Variants in CDH9 observed in about 807,000 individuals in gnomAD.
The protein encoded by CDH9 is cadherin-9.
Under a neutral mutation model 70.9 loss-of-function variants are expected in CDH9, and 28 were observed. The observed-to-expected ratio is 0.40, with a 90% CI of 0.29 to 0.54. The LOEUF is 0.54. CDH9 is among the 20% of genes least tolerant of loss of function. The pLI, the probability that CDH9 is intolerant of heterozygous loss-of-function variation, is 0.59. For synonymous variants in CDH9, 409 were observed against 343.1 expected (o/e 1.19, Z -2.12); for missense variants, 874 against 984.4 (o/e 0.89, Z 1.50).
At chr5:26,940,080 G>T (rs1371681178) in intron 2 of CDH9, among the ~76,000 whole-genome samples, 2 of 151,298 alleles carry the variant, frequency 1.3e-5, no homozygotes, top group Non-Finnish European at 1.5e-5. Context: ...ACTGAGGCAG[G>T]AGAACCCAGG....
At chr5:26,997,677 G>C (rs1742689728) in intron 1 of CDH9, among the ~76,000 whole-genome samples, 1 of 151,570 alleles carries the variant, frequency 6.6e-6, no homozygotes, top group Admixed American at 6.6e-5. Context: ...GGAGCAAGTA[G>C]AATTTGTTAT....
intron 7 of CDH9, among the ~76,000 whole-genome samples, chr5:26,897,288 G>T (rs1740769537): frequency 1.3e-5 from 2 of 151,870 alleles, no homozygotes; most frequent in African/African-American, 4.8e-5. Context: ...CCAAACAATA[G>T]AAAAAGAGGG....
intron 1 of CDH9, among the ~76,000 whole-genome samples, chr5:26,997,722 G>A (rs1328381816): frequency 7.3e-6 from 1 of 137,586 alleles, no homozygotes; most frequent in Non-Finnish European, 1.6e-5. Context: ...TTTTTTTTGA[G>A]ATGGAATCCA....
intron 1 of CDH9, among the ~76,000 whole-genome samples, chr5:26,998,976 G>A (rs1380093797): frequency 1.3e-5 from 2 of 152,118 alleles, no homozygotes; most frequent in African/African-American, 4.8e-5. Context: ...GCCGGGCGTG[G>A]TGGCTCATGC....
intron 1 of CDH9, among the ~76,000 whole-genome samples, chr5:27,019,126 A>T (rs542298383): frequency 6.6e-6 from 1 of 152,122 alleles, no homozygotes; most frequent in South Asian, 2.1e-4. Flanking sequence ...TTCAGAATTG[A>T]AATAATTGGT....
At chr5:27,024,219 AAT>A (rs1743185250) in intron 1 of CDH9, among the ~76,000 whole-genome samples, 1 of 151,998 alleles carries the variant, frequency 6.6e-6, no homozygotes, top group Admixed American at 6.6e-5. Flanking sequence ...TACTCTCATA[AAT>A]AGAGATTTTT....
At chr5:26,968,495 A>C (rs189848739) in intron 2 of CDH9, among the ~76,000 whole-genome samples, 2 of 152,262 alleles carry the variant, frequency 1.3e-5, no homozygotes, top group African/African-American at 4.8e-5. Flanking sequence ...CATGTTGGCC[A>C]GGCTGGTCTT....
chr5:26,928,214 GA>G (rs1741379497), intron 2 of CDH9, among the ~76,000 whole-genome samples: 1 of 151,864 alleles, frequency 6.6e-6, no homozygotes, highest in South Asian at 2.1e-4. Flanking sequence ...TAAGCACTCT[GA>G]AAAAGAAATG....
intron 1 of CDH9, among the ~76,000 whole-genome samples, chr5:27,029,086 A>G (rs1193187297): frequency 6.6e-6 from 1 of 152,046 alleles, no homozygotes; most frequent in Non-Finnish European, 1.5e-5. Context: ...ATTTGACAAC[A>G]TCTTATTTTA....
In CDH9 at chr5:26,910,752, G is replaced by A. The variant is rs77841458; in HGVS notation, c.524-3914C>T. On this transcript the variant is annotated intron_variant, in intron 3 of 11. Transcript: ENST00000231021. ...TGCTTCAGTGTGAGAATAAGTTAAC[G>A]AAAGTTACAGAAAGTGAAAAACGAG... Among the ~76,000 whole-genome samples, 512 of 152,250 alleles carry A rather than the reference G, an allele frequency of 3.4e-3. 1 individual carries two copies. The highest frequency in any genetic ancestry group is 6.1e-3 in the Non-Finnish European group (415 of 67,986).
chr5:26,956,233 G>C (rs76713586), intron 2 of CDH9, among the ~76,000 whole-genome samples: 2,961 of 152,204 alleles, frequency 0.019, 97 homozygotes, highest in African/African-American at 0.067. Flanking sequence ...AGTCTCACGA[G>C]ATCTGAATTC....
Position 26,881,606 on chromosome 5 carries a change from C to T in CDH9, c.1900G>A (p.Ala634Thr). 1 of 1,608,926 alleles carries T rather than the reference C, an allele frequency of 6.2e-7. No homozygotes were observed. The highest frequency in any genetic ancestry group is 8.5e-7 in the Non-Finnish European group (1 of 1,178,558). Residue 634 changes from alanine (A) to threonine (T), a missense_variant, in exon 12 of 12, where the codon GCT (alanine) becomes ACT (threonine). By Grantham distance (58) the Ala-to-Thr change is moderately conservative. Transcript: ENST00000231021. ...LILLILVVLF[A>T]ALKRQRKKEP... ...TTTTTTCTTTGCCTCTTCAATGCAG[C>T]AAACAACACGACTAAAACTATTAAT...
chr5:26,995,760 T>C (rs1742654496), intron 1 of CDH9, among the ~76,000 whole-genome samples: 1 of 152,120 alleles, frequency 6.6e-6, no homozygotes, highest in Admixed American at 6.6e-5. Flanking sequence ...TTTCTATGCC[T>C]AATTATTTGT....
chr5:26,908,643 T>C (rs893225955), intron 3 of CDH9, among the ~76,000 whole-genome samples: 3 of 152,168 alleles, frequency 2.0e-5, no homozygotes, highest in Non-Finnish European at 4.4e-5. Context: ...GATTATTAGC[T>C]CTATTAGTCG....
intron 2 of CDH9, among the ~76,000 whole-genome samples, chr5:26,954,585 C>G (rs907864524): frequency 6.6e-6 from 1 of 151,558 alleles, no homozygotes; most frequent in African/African-American, 2.4e-5. Context: ...GGGGTTTCAC[C>G]GTGTTAGCCA....
At chr5:26,999,943 GA>G (rs1274972149) in intron 1 of CDH9, among the ~76,000 whole-genome samples, 1 of 151,886 alleles carries the variant, frequency 6.6e-6, no homozygotes, top group Non-Finnish European at 1.5e-5. Context: ...ATGAGTTTTA[GA>G]AAAAACTCAA....
At chr5:26,901,957 G>A (rs898239775) in intron 7 of CDH9, among the ~76,000 whole-genome samples, 2 of 151,582 alleles carry the variant, frequency 1.3e-5, no homozygotes, top group Non-Finnish European at 2.9e-5. Flanking sequence ...TATGTGTTAG[G>A]CCCAACAATT....
intron 2 of CDH9, among the ~76,000 whole-genome samples, chr5:26,930,337 G>T (rs1741420607): frequency 6.6e-6 from 1 of 151,984 alleles, no homozygotes; most frequent in Non-Finnish European, 1.5e-5. Flanking sequence ...ATATAAAATT[G>T]TCCCTTGGTA....
chr5:26,983,713 C>T (rs1415491133), intron 2 of CDH9, among the ~76,000 whole-genome samples: 2 of 130,314 alleles, frequency 1.5e-5, no homozygotes, highest in African/African-American at 2.9e-5. Context: ...TACTTTCAAA[C>T]CTTTATAAAC....
Sources: gnomAD v4.1 joint callset for allele counts (sites outside exome capture counted in the v4.1 genomes callset) on GRCh38, gnomAD v4.1.1 for gene constraint, MANE v1.5 for transcripts, NCBI Gene and HGNC (gene_info 2026-07-23, HGNC 2026-07-21) for gene names.